NLRP10: variants seen among roughly 807,000 people sequenced by gnomAD.
NLRP10 encodes the protein NACHT, LRR and PYD domains-containing protein 10.
NLRP10 carries 7 observed loss-of-function variants against 8.2 expected under a neutral mutation model. The ratio of observed to expected loss-of-function variants is 0.85; its 90% CI spans 0.48 to 1.60. The LOEUF (loss-of-function observed/expected upper bound fraction) is 1.60. NLRP10 is among the 40% of genes most tolerant of loss of function. The pLI is 0.00. For synonymous variants in NLRP10, 338 were observed against 314.0 expected (o/e 1.08, Z -0.81); for missense variants, 814 against 776.3 (o/e 1.05, Z -0.58).
Position 7,959,594 on chromosome 11 carries a change from C to T in NLRP10, c.*50G>A. The T allele has an allele frequency of 1.1e-6, 1 of 919,272 alleles. No individual in the cohort carries two copies. Among genetic ancestry groups the T allele is most frequent in the African/African-American group, 1.7e-5 (1 of 59,722 alleles). 56.9% of individuals were successfully genotyped at this position (919,272 alleles called of 1,614,324 possible). A position where few individuals can be genotyped will look rare whatever the true frequency, so the allele number is the denominator to read the frequency against. The stretch of plus-strand genomic sequence containing the variant: ...TTACAGCTTCTTTGATTTCTTTCCT[C>T]AGAGTGTTGTCATTTTCCTCATAGA... On this transcript the variant is annotated 3_prime_UTR_variant, in exon 3 of 3. Coordinates refer to ENST00000691676, the MANE Select transcript of NLRP10 (RefSeq NM_001391958.1).
rs1419194025 is a variant in NLRP10 at position 7,960,672 on chromosome 11, C to CT, written c.939dup (p.Gly314ArgfsTer4). 13 of 1,614,014 alleles carry CT rather than the reference C, an allele frequency of 8.1e-6. No individual in the cohort carries two copies. Among genetic ancestry groups the CT allele is most frequent in the Non-Finnish European group, 9.3e-6 (11 of 1,180,030 alleles). On this transcript the variant is annotated frameshift_variant, in exon 3 of 3. Coordinates refer to ENST00000691676, the MANE Select transcript of NLRP10 (RefSeq NM_001391958.1). LOFTEE classifies it low-confidence loss of function (END_TRUNC). ...CTCGCCCTCTCCTCCTCAGAGAAGCCTAGGATATGGACATGACGTGCTTGT... is the reference window on the plus strand; with the variant it reads ...CTCGCCCTCTCCTCCTCAGAGAAGCCTTAGGATATGGACATGACGTGCTTGT...
rs1268550196 is a variant in NLRP10 at position 7,965,335 on chromosome 11, A to T, written c.-135T>A. On this transcript the variant is annotated 5_prime_UTR_variant, in exon 1 of 3. Transcript: ENST00000691676. ...CAGTAAGCAAAGCCTGGGGACTGAGACGAAACAGATCCCCTTTCCTGGTCC... is the reference window on the plus strand; with the variant it reads ...CAGTAAGCAAAGCCTGGGGACTGAGTCGAAACAGATCCCCTTTCCTGGTCC... The T allele has an allele frequency of 6.6e-6, 1 of 152,218 alleles. No individual in the cohort carries two copies. The highest frequency in any genetic ancestry group is 1.5e-5 in the Non-Finnish European group (1 of 68,068). The allele number at this position is 152,218 out of a possible 1,614,324, so 9.4% of individuals were successfully genotyped here. A position where few individuals can be genotyped will look rare whatever the true frequency, so the allele number is the denominator to read the frequency against.
At position 7,962,231 on chromosome 11, in the gene NLRP10, C is replaced by CT. The variant is rs71452435; in HGVS notation, c.290-910dup. ...CCAAAGGGACTAAGATAAGCCTGTT[C>CT]TTTTTTTTTTTTTTTTTTTTTTGAG... On this transcript the variant is annotated intron_variant, in intron 2 of 2. Coordinates refer to ENST00000691676, the MANE Select transcript of NLRP10 (RefSeq NM_001391958.1). Among the ~76,000 whole-genome samples, 125 of 66,984 alleles carry CT rather than the reference C, an allele frequency of 1.9e-3. 15 individuals carry two copies. Among genetic ancestry groups the CT allele is most frequent in the African/African-American group, 6.2e-3 (110 of 17,814 alleles). 43.9% of individuals were successfully genotyped at this position (66,984 alleles called of 152,430 possible).
In NLRP10 at chr11:7,959,788, C is replaced by G; in HGVS notation, c.1824G>C (p.Leu608Phe). The G allele has an allele frequency of 6.2e-7, 1 of 1,614,046 alleles. No individual in the cohort carries two copies. Among genetic ancestry groups the G allele is most frequent in the Non-Finnish European group, 8.5e-7 (1 of 1,179,944 alleles). ...TTTGCTCCTCCTTAGGTCCATGACT[C>G]AAGCTGCTTTTGACAGAAAATAAAT... The part of the protein sequence containing the change: ...SQNLFSVKSS[L>F]SHGPKEEQKC... The change falls in exon 3 of 3, where the codon TTG becomes TTC. Residue 608 changes from leucine to phenylalanine, a missense_variant. Physicochemically the swap from Leu to Phe is conservative, Grantham distance 22 (BLOSUM62 0). Coordinates refer to ENST00000691676, the MANE Select transcript of NLRP10 (RefSeq NM_001391958.1).
intron 1 of NLRP10, among the ~76,000 whole-genome samples, chr11:7,964,417 GAAAC>G (rs1274425666): frequency 6.6e-6 from 1 of 152,232 alleles, no homozygotes; most frequent in African/African-American, 2.4e-5. Flanking sequence ...TTCAAATAAG[GAAAC>G]AAATCCAGAT....
intron 2 of NLRP10, 118 bp from the exon 3 acceptor site, chr11:7,961,440 G>T: frequency 1.4e-6 from 1 of 699,332 alleles, no homozygotes; most frequent in East Asian, 2.6e-5. Context: ...GGATCTTGCT[G>T]AGATTATAGT....
chr11:7,960,507 C>G lies in NLRP10; in HGVS notation c.1105G>C (p.Glu369Gln). ...VVCSWLQGQM[E>Q]RGKVVLETPR... ...GTCTCTAAGACAACTTTGCCTCTCT[C>G]CATCTGCCCCTGCAGCCAGGAGCAG... Residue 369 changes from glutamate to glutamine, a missense_variant, in exon 3 of 3, where the codon GAG (glutamate) becomes CAG (glutamine). Coordinates refer to ENST00000691676, the MANE Select transcript of NLRP10 (RefSeq NM_001391958.1). 1.2e-6 allele frequency: 2 copies of G among 1,614,214 alleles called. No homozygotes were observed. Among genetic ancestry groups the G allele is most frequent in the South Asian group, 2.2e-5 (2 of 91,084 alleles).
intron 1 of NLRP10, chr11:7,963,752 A>T: frequency 1.8e-6 from 1 of 550,546 alleles, no homozygotes; most frequent in Non-Finnish European, 3.2e-6. Context: ...GCAAATGGGT[A>T]GGAAGGTATG....
At chr11:7,963,181 C>T (rs1489174090) in intron 2 of NLRP10, 26 bp downstream of exon 2, 8 of 1,604,418 alleles carry the variant, frequency 5.0e-6, no homozygotes, top group Non-Finnish European at 6.8e-6. Flanking sequence ...CCATCCTGCC[C>T]TCCCCTTCCC....
intron 1 of NLRP10, among the ~76,000 whole-genome samples, chr11:7,964,209 A>T (rs1440962257): frequency 1.3e-5 from 2 of 152,220 alleles, no homozygotes; most frequent in African/African-American, 4.8e-5. Flanking sequence ...GGCATGAGCT[A>T]CTGTGCCCGG....
In NLRP10 at chr11:7,960,251, A is replaced by G. The variant is rs1363056033; in HGVS notation, c.1361T>C (p.Leu454Ser). ...AAFLSSNDYQ[L>S]GLAIKKFYSF... is the part of the protein sequence containing the mutation. ...GTAGAACTTCTTGATGGCAAGTCCC[A>G]ATTGGTAGTCGTTACTACTCAGGAA... The change falls in exon 3 of 3, where the codon TTG (leucine) becomes TCG (serine). Residue 454 changes from leucine to serine, a missense_variant. Physicochemically the swap from Leu to Ser is moderately radical, Grantham distance 145. Transcript: ENST00000691676. 1.9e-6 allele frequency: 3 copies of G among 1,614,150 alleles called. No homozygotes were observed. The South Asian group carries it at 3.3e-5, about 18-fold the overall frequency.
At chr11:7,963,796 C>CTCTT in intron 1 of NLRP10, 1 of 452,676 alleles carries the variant, frequency 2.2e-6, no homozygotes, top group Non-Finnish European at 3.9e-6. Context: ...CTCTCTCTCT[C>CTCTT]CCCCAAACTC....
intron 1 of NLRP10, 63 bp from the exon 2 acceptor site, chr11:7,963,603 T>C: frequency 1.0e-6 from 1 of 992,118 alleles, no homozygotes; most frequent in Non-Finnish European, 1.5e-6. Flanking sequence ...TCTGGGGGCT[T>C]GGCCAAGTTA....
At position 7,960,674 on chromosome 11, in the gene NLRP10, A is replaced by T. The variant is rs1941703082; in HGVS notation, c.938T>A (p.Leu313Gln). The T allele has an allele frequency of 6.2e-7, 1 of 1,614,194 alleles. No individual in the cohort carries two copies. Residue 313 changes from leucine to glutamine, a missense_variant, in exon 3 of 3, where the codon CTA becomes CAA. By Grantham distance (113) the Leu-to-Gln change is moderately radical. Transcript: ENST00000691676. Reference sequence around the variant, plus strand: ...CGCCCTCTCCTCCTCAGAGAAGCCTAGGATATGGACATGACGTGCTTGTTT... The same window carrying T: ...CGCCCTCTCCTCCTCAGAGAAGCCTTGGATATGGACATGACGTGCTTGTTT... ...LLKQARHVHILGFSEEERARY... is the reference protein window; with the variant it reads ...LLKQARHVHIQGFSEEERARY...
In NLRP10 at chr11:7,960,529, G is replaced by A; in HGVS notation, c.1083C>T (p.Cys361=). ...CQVPGICWVV[C]SWLQGQMERG... ...TCTCCATCTGCCCCTGCAGCCAGGA[G>A]CAGACCACCCAGCAAATGCCTGGAA... is the stretch of plus-strand genomic sequence containing the variant. Residue 361 remains cysteine, a synonymous_variant, in exon 3 of 3, where the codon TGC becomes TGT. Transcript: ENST00000691676. 3 of 1,614,216 alleles carry A rather than the reference G, an allele frequency of 1.9e-6. No homozygotes were observed. Among genetic ancestry groups the A allele is most frequent in the Non-Finnish European group, 2.5e-6 (3 of 1,180,030 alleles).
In NLRP10 at chr11:7,960,506, T is replaced by A. The variant is rs1315818135; in HGVS notation, c.1106A>T (p.Glu369Val). 1.9e-6 allele frequency: 3 copies of A among 1,614,116 alleles called. No individual in the cohort carries two copies. In the Admixed American group the frequency reaches 5.0e-5, roughly 27 times the overall value. ...TGTCTCTAAGACAACTTTGCCTCTC[T>A]CCATCTGCCCCTGCAGCCAGGAGCA... is the stretch of plus-strand genomic sequence containing the variant. Reference protein sequence around the residue: ...VVCSWLQGQMERGKVVLETPR... With the variant: ...VVCSWLQGQMVRGKVVLETPR... The change falls in exon 3 of 3, where the codon GAG becomes GTG. Residue 369 changes from glutamate to valine, a missense_variant. Physicochemically the swap from Glu to Val is moderately radical, Grantham distance 121. Coordinates refer to ENST00000691676, the MANE Select transcript of NLRP10 (RefSeq NM_001391958.1).
intron 2 of NLRP10, among the ~76,000 whole-genome samples, chr11:7,962,355 C>T (rs1243207893): frequency 1.3e-5 from 2 of 150,888 alleles, no homozygotes; most frequent in Non-Finnish European, 2.9e-5. Flanking sequence ...CCTGCCTCAG[C>T]CTCCCGTGTA....
In NLRP10 at chr11:7,960,997, A is replaced by G. The variant is rs778232649; in HGVS notation, c.615T>C (p.Tyr205=). 4 of 1,614,196 alleles carry G rather than the reference A, an allele frequency of 2.5e-6. No homozygotes were observed. Among genetic ancestry groups the G allele is most frequent in the Admixed American group, 1.7e-5 (1 of 60,006 alleles). The part of the protein sequence containing the change: ...LYPGRFDYVF[Y]VSCKEVVLLL... ...GCAGGACCACTTCTTTGCAGCTTAC[A>G]TAAAAGACATAATCAAACCGGCCTG... Residue 205 remains tyrosine (Y), a synonymous_variant, in exon 3 of 3, where the codon TAT becomes TAC. Coordinates refer to ENST00000691676, the MANE Select transcript of NLRP10 (RefSeq NM_001391958.1).
chr11:7,960,248 C>A lies in NLRP10; in HGVS notation c.1364G>T (p.Gly455Val), dbSNP rs1044851213. ...AFLSSNDYQL[G>V]LAIKKFYSFR... ...GCTGTAGAACTTCTTGATGGCAAGT[C>A]CCAATTGGTAGTCGTTACTACTCAG... Residue 455 changes from glycine to valine, a missense_variant, in exon 3 of 3, where the codon GGA (glycine) becomes GTA (valine). Gly to Val is a moderately radical substitution (Grantham distance 109). Coordinates refer to ENST00000691676, the MANE Select transcript of NLRP10 (RefSeq NM_001391958.1). 1.9e-6 allele frequency: 3 copies of A among 1,614,148 alleles called. No individual in the cohort carries two copies. The South Asian group carries it at 3.3e-5, about 18-fold the overall frequency.
Sources: gnomAD v4.1 joint callset for allele counts (sites outside exome capture counted in the v4.1 genomes callset) on GRCh38, gnomAD v4.1.1 for gene constraint, MANE v1.5 for transcripts, NCBI Gene and HGNC (gene_info 2026-07-23, HGNC 2026-07-21) for gene names.